Variants in CLSTN2 observed in about 807,000 individuals in gnomAD.
CLSTN2 encodes the protein calsyntenin 2.
A neutral mutation model predicts 101.2 loss-of-function variants in CLSTN2; 48 were observed. The ratio of observed to expected loss-of-function variants is 0.47; its 90% CI spans 0.38 to 0.60. CLSTN2 has a LOEUF of 0.60. Ranked by LOEUF, CLSTN2 falls within the 20% of genes least tolerant of loss-of-function variation. CLSTN2 has a pLI of 0.00. For synonymous variants in CLSTN2, 481 were observed against 463.6 expected (o/e 1.04, Z -0.48); for missense variants, 1,160 against 1,238.2 (o/e 0.94, Z 0.95).
At chr3:140,336,647 C>T (rs550924038) in intron 2 of CLSTN2, among the ~76,000 whole-genome samples, 1 of 152,196 alleles carries the variant, frequency 6.6e-6, no homozygotes, top group African/African-American at 2.4e-5. Flanking sequence ...CACAGACACC[C>T]CAGCTTTCAT....
chr3:140,433,763 A>G (rs760833091), intron 5 of CLSTN2, among the ~76,000 whole-genome samples: 1 of 152,230 alleles, frequency 6.6e-6, no homozygotes, highest in Non-Finnish European at 1.5e-5. Context: ...GCCTAAATTA[A>G]TTCTAGCAAT....
intron 1 of CLSTN2, among the ~76,000 whole-genome samples, chr3:139,944,551 A>T (rs1935186290): frequency 6.6e-6 from 1 of 152,204 alleles, no homozygotes; most frequent in South Asian, 2.1e-4. Context: ...TTTCTCTGTC[A>T]AAGCTCCCAT....
At chr3:140,520,402 G>A (rs867219638) in intron 8 of CLSTN2, among the ~76,000 whole-genome samples, 3 of 152,302 alleles carry the variant, frequency 2.0e-5, no homozygotes, top group Middle Eastern at 3.4e-3. Context: ...ATGGTGAAAG[G>A]CAAAGGAGAA....
intron 1 of CLSTN2, among the ~76,000 whole-genome samples, chr3:140,043,593 C>A (rs933443811): frequency 2.4e-4 from 36 of 152,272 alleles, no homozygotes; most frequent in African/African-American, 8.7e-4. Flanking sequence ...ACATTAAGAT[C>A]TTGCCCATGC....
At chr3:140,318,668 A>T (rs1193052544) in intron 2 of CLSTN2, among the ~76,000 whole-genome samples, 1 of 152,178 alleles carries the variant, frequency 6.6e-6, no homozygotes, top group African/African-American at 2.4e-5. Flanking sequence ...CTAGAGTTCT[A>T]GGTACTTACC....
rs745442056 is a variant in CLSTN2 at position 140,570,355 on chromosome 3, C to T, written c.*4102C>T. The T allele has an allele frequency of 7.9e-5, 12 of 152,144 alleles. No individual in the cohort carries two copies. Among genetic ancestry groups the T allele is most frequent in the Non-Finnish European group, 1.6e-4 (11 of 68,036 alleles). 9.4% of individuals were successfully genotyped at this position (152,144 alleles called of 1,614,324 possible). A position where few individuals can be genotyped will look rare whatever the true frequency, so the allele number is the denominator to read the frequency against. On this transcript the variant is annotated 3_prime_UTR_variant, in exon 17 of 17. Transcript: ENST00000458420. ...TTATTCCTTGAACAATACAGTTTAA[C>T]AGGATTTACATAGCATTTACACTGT...
At chr3:140,154,185 G>A (rs1254144454) in intron 1 of CLSTN2, among the ~76,000 whole-genome samples, 1 of 152,158 alleles carries the variant, frequency 6.6e-6, no homozygotes, top group Non-Finnish European at 1.5e-5. Context: ...TTCAGATGGG[G>A]TCTTCAAGAA....
chr3:140,136,162 C>G (rs1014143269), intron 1 of CLSTN2, among the ~76,000 whole-genome samples: 45 of 152,122 alleles, frequency 3.0e-4, no homozygotes, highest in African/African-American at 1.0e-3. Flanking sequence ...ATATCTATCA[C>G]CCTTGGTCAT....
intron 1 of CLSTN2, among the ~76,000 whole-genome samples, chr3:140,091,507 A>G (rs1250221858): frequency 6.6e-6 from 1 of 152,248 alleles, no homozygotes; most frequent in African/African-American, 2.4e-5. Flanking sequence ...ACAGAAGCCC[A>G]GAACATTTCA....
intron 1 of CLSTN2, among the ~76,000 whole-genome samples, chr3:140,047,922 G>C (rs2007912492): frequency 6.6e-6 from 1 of 152,210 alleles, no homozygotes; most frequent in Admixed American, 6.5e-5. Flanking sequence ...TGGCCAAGTA[G>C]TCAAACCATA....
chr3:140,395,670 A>G (rs1452014864), intron 2 of CLSTN2, among the ~76,000 whole-genome samples: 1 of 152,170 alleles, frequency 6.6e-6, no homozygotes, highest in African/African-American at 2.4e-5. Flanking sequence ...TACAATATGG[A>G]TTTATTTCTA....
At chr3:140,110,602 G>A (rs2009138696) in intron 1 of CLSTN2, among the ~76,000 whole-genome samples, 1 of 152,210 alleles carries the variant, frequency 6.6e-6, no homozygotes, top group Non-Finnish European at 1.5e-5. Context: ...AATTCCCTTG[G>A]AGGATAGATA....
chr3:140,466,145 G>A (rs2108020745), intron 7 of CLSTN2, among the ~76,000 whole-genome samples: 1 of 152,304 alleles, frequency 6.6e-6, no homozygotes, highest in South Asian at 2.1e-4. Context: ...CAGAGAAGAT[G>A]TGGTCACTGT....
intron 8 of CLSTN2, chr3:140,508,325 G>A (rs1290176681): frequency 6.6e-6 from 1 of 152,196 alleles, no homozygotes; most frequent in Non-Finnish European, 1.5e-5. Context: ...TTCCAAGCTG[G>A]ACCCTCATAT....
intron 2 of CLSTN2, among the ~76,000 whole-genome samples, chr3:140,236,439 T>A (rs1480735423): frequency 6.6e-6 from 1 of 152,208 alleles, no homozygotes; most frequent in African/African-American, 2.4e-5. Context: ...TTTCAGCAAG[T>A]TGATTTTGAT....
At chr3:140,352,368 G>T (rs775580108) in intron 2 of CLSTN2, among the ~76,000 whole-genome samples, 6 of 152,140 alleles carry the variant, frequency 3.9e-5, no homozygotes, top group Non-Finnish European at 7.3e-5. Context: ...TACAGTCTTT[G>T]GTCCTTGAGG....
chr3:140,331,069 T>G (rs1397363736), intron 2 of CLSTN2, among the ~76,000 whole-genome samples: 1 of 152,116 alleles, frequency 6.6e-6, no homozygotes, highest in African/African-American at 2.4e-5. Flanking sequence ...TCAGTCCATC[T>G]CCAAAAGCCT....
intron 1 of CLSTN2, among the ~76,000 whole-genome samples, chr3:140,164,107 G>A (rs1188383662): frequency 6.6e-6 from 1 of 152,120 alleles, no homozygotes; most frequent in African/African-American, 2.4e-5. Context: ...TAAAAAATGA[G>A]CTGACTCTAG....
intron 1 of CLSTN2, among the ~76,000 whole-genome samples, chr3:140,098,546 T>C (rs2008909512): frequency 6.6e-6 from 1 of 152,204 alleles, no homozygotes; most frequent in South Asian, 2.1e-4. Context: ...TTAATCAAAA[T>C]ATGTTAGTTT....
Sources: gnomAD v4.1 joint callset for allele counts (sites outside exome capture counted in the v4.1 genomes callset) on GRCh38, gnomAD v4.1.1 for gene constraint, MANE v1.5 for transcripts, NCBI Gene and HGNC (gene_info 2026-07-23, HGNC 2026-07-21) for gene names.